VIT: variants seen among roughly 807,000 people sequenced by gnomAD.
The protein encoded by VIT is vitrin.
VIT carries 99 observed loss-of-function variants against 78.0 expected under a neutral mutation model. The ratio of observed to expected loss-of-function variants is 1.27; its 90% CI spans 1.08 to 1.50. VIT has a LOEUF of 1.50. Ranked by LOEUF, VIT falls within the 40% of genes most tolerant of loss-of-function variation. The probability of loss-of-function intolerance (pLI) is 0.00; values close to 1 mark genes in which losing one functional copy is unlikely to be tolerated. For missense variants in VIT, 1,126 were observed against 875.3 expected (o/e 1.29, Z -3.61); for synonymous variants, 374 against 334.3 (o/e 1.12, Z -1.29).
At chr2:36,797,403 C>A (rs1019368236) in intron 12 of VIT, among the ~76,000 whole-genome samples, 3 of 152,072 alleles carry the variant, frequency 2.0e-5, no homozygotes, top group Admixed American at 1.3e-4. Flanking sequence ...AACTTGGGGA[C>A]GGAAAGGATG....
chr2:36,708,897 C>G (rs933762588), intron 1 of VIT, among the ~76,000 whole-genome samples: 1 of 152,196 alleles, frequency 6.6e-6, no homozygotes, highest in Admixed American at 6.5e-5. Flanking sequence ...CACCTGTAAT[C>G]CCAGCACTTT....
At chr2:36,805,003 G>T (rs959837587) in intron 13 of VIT, among the ~76,000 whole-genome samples, 1 of 151,978 alleles carries the variant, frequency 6.6e-6, no homozygotes, top group Non-Finnish European at 1.5e-5. Flanking sequence ...TAGTTGAAGT[G>T]ATTTTAAAAA....
At chr2:36,752,022 A>T (rs1009080327) in intron 4 of VIT, among the ~76,000 whole-genome samples, 2 of 152,214 alleles carry the variant, frequency 1.3e-5, no homozygotes, top group Non-Finnish European at 2.9e-5. Flanking sequence ...CCCAACAGTC[A>T]GAAGTGGGAG....
chr2:36,785,659 G>T (rs1272649987), intron 11 of VIT, among the ~76,000 whole-genome samples: 1 of 152,170 alleles, frequency 6.6e-6, no homozygotes, highest in Non-Finnish European at 1.5e-5. Context: ...GCAGACAGGA[G>T]GTAAAAGCTT....
Position 36,712,669 on chromosome 2 carries a change from G to A in VIT, c.-18-3684G>A, listed in dbSNP as rs373818535. On this transcript the variant is annotated intron_variant, in intron 1 of 15. Coordinates refer to ENST00000379242, the MANE Select transcript of VIT (RefSeq NM_053276.4). ...TGGCCAACATGCTAAAACCCCGTCT[G>A]TACTAAAAATACAAAAATTAGCCAG... Among the ~76,000 whole-genome samples, 205 of 152,096 alleles carry A rather than the reference G, an allele frequency of 1.3e-3. 1 individual carries two copies. Among genetic ancestry groups the A allele is most frequent in the Middle Eastern group, 6.8e-3 (2 of 294 alleles).
At chr2:36,783,510 C>A in intron 11 of VIT, 108 bp downstream of exon 11, 1 of 1,056,770 alleles carries the variant, frequency 9.5e-7, no homozygotes, top group South Asian at 1.4e-5. Flanking sequence ...TACCGTGGAT[C>A]TATTTATCTC....
intron 12 of VIT, among the ~76,000 whole-genome samples, chr2:36,789,475 G>A (rs991692168): frequency 4.6e-5 from 7 of 152,168 alleles, no homozygotes; most frequent in Admixed American, 2.0e-4. Context: ...TTGATGTGTT[G>A]CACAGCGGTG....
intron 14 of VIT, among the ~76,000 whole-genome samples, chr2:36,807,504 G>A (rs978360299): frequency 2.0e-5 from 3 of 152,186 alleles, no homozygotes; most frequent in African/African-American, 7.2e-5. Context: ...AAAGTTTTGT[G>A]AACTCCATTT....
chr2:36,746,440 T>C (rs918827717), intron 4 of VIT, among the ~76,000 whole-genome samples: 14 of 152,102 alleles, frequency 9.2e-5, no homozygotes, highest in African/African-American at 3.1e-4. Context: ...TCCAGGGCTT[T>C]TTTTTGGTTA....
intron 12 of VIT, among the ~76,000 whole-genome samples, chr2:36,795,174 A>G (rs1370254397): frequency 2.0e-5 from 3 of 152,120 alleles, no homozygotes; most frequent in Non-Finnish European, 4.4e-5. Flanking sequence ...TGGATTCTGT[A>G]TTTGCAAATT....
chr2:36,729,315 A>T, intron 2 of VIT, 111 bp from the exon 3 acceptor site: 2 of 876,402 alleles, frequency 2.3e-6, no homozygotes, highest in Admixed American at 2.9e-5. Flanking sequence ...AGGGAAAATT[A>T]GTTCTGCCAT....
At chr2:36,717,489 G>A (rs1244342777) in intron 2 of VIT, among the ~76,000 whole-genome samples, 1 of 151,282 alleles carries the variant, frequency 6.6e-6, no homozygotes, top group Non-Finnish European at 1.5e-5. Context: ...TCCTGCCTCA[G>A]CCTCCCAAAG....
intron 3 of VIT, among the ~76,000 whole-genome samples, chr2:36,732,761 A>T (rs542169110): frequency 2.0e-5 from 3 of 152,228 alleles, no homozygotes; most frequent in African/African-American, 7.2e-5. Flanking sequence ...TAATGTCCAC[A>T]TAAGTGCTAG....
intron 11 of VIT, among the ~76,000 whole-genome samples, chr2:36,784,725 C>T (rs1328263701): frequency 2.0e-5 from 3 of 152,342 alleles, no homozygotes; most frequent in Non-Finnish European, 1.5e-5. Flanking sequence ...GACTTTCAAC[C>T]TCTGATCTCT....
chr2:36,705,770 A>G (rs1251179172), intron 1 of VIT, among the ~76,000 whole-genome samples: 1 of 152,216 alleles, frequency 6.6e-6, no homozygotes, highest in African/African-American at 2.4e-5. Context: ...AGTAAGCATA[A>G]CGTTCTCATA....
chr2:36,726,644 C>A (rs1037695360), intron 2 of VIT, among the ~76,000 whole-genome samples: 1 of 151,980 alleles, frequency 6.6e-6, no homozygotes, highest in African/African-American at 2.4e-5. Context: ...ATGGAGAAAA[C>A]CCCATCTCTA....
intron 2 of VIT, among the ~76,000 whole-genome samples, chr2:36,717,707 A>G (rs1420892025): frequency 4.6e-5 from 7 of 152,174 alleles, no homozygotes; most frequent in African/African-American, 1.7e-4. Flanking sequence ...CTTATCAGGT[A>G]GAGTAACCCT....
chr2:36,764,007 G>A (rs974725336), intron 6 of VIT, among the ~76,000 whole-genome samples: 6 of 152,222 alleles, frequency 3.9e-5, no homozygotes, highest in Non-Finnish European at 8.8e-5. Flanking sequence ...ATGAGCAAGT[G>A]ATACAAAGAC....
intron 6 of VIT, among the ~76,000 whole-genome samples, chr2:36,760,723 C>A (rs532634931): frequency 6.6e-6 from 1 of 152,116 alleles, no homozygotes; most frequent in Admixed American, 6.5e-5. Context: ...TTAGTTTCAT[C>A]CTGGCACCCT....
Sources: gnomAD v4.1 joint callset for allele counts (sites outside exome capture counted in the v4.1 genomes callset) on GRCh38, gnomAD v4.1.1 for gene constraint, MANE v1.5 for transcripts, NCBI Gene and HGNC (gene_info 2026-07-23, HGNC 2026-07-21) for gene names.